PRDM11: variants seen among roughly 807,000 people sequenced by gnomAD.
PRDM11 encodes PR domain-containing protein 11.
In PRDM11, 20 loss-of-function variants were observed where a neutral mutation model predicts 97.8. That is an observed-to-expected ratio of 0.20 (90% CI 0.14 to 0.30). PRDM11 has a LOEUF of 0.30. Ranked by LOEUF, PRDM11 falls within the 10% of genes least tolerant of loss-of-function variation. The pLI is 1.00. For missense variants in PRDM11, 1,139 were observed against 1,555.2 expected (o/e 0.73, Z 4.50); for synonymous variants, 599 against 637.7 (o/e 0.94, Z 0.91).
intron 5 of PRDM11, among the ~76,000 whole-genome samples, chr11:45,212,200 C>A (rs1324666246): frequency 1.3e-5 from 2 of 152,190 alleles, no homozygotes; most frequent in Non-Finnish European, 2.9e-5. Flanking sequence ...CGGTGGGCCA[C>A]GGTCTCCAAG....
rs1388604630 is a variant in PRDM11, at chr11:45,227,303, G to A, written c.2678G>A (p.Arg893His). The A allele has an allele frequency of 1.2e-5, 18 of 1,533,848 alleles. No individual in the cohort carries two copies. Among genetic ancestry groups the A allele is most frequent in the African/African-American group, 2.7e-5 (2 of 72,958 alleles). The change falls in exon 8 of 8, where the codon CGT becomes CAT. Residue 893 changes from arginine to histidine, a missense_variant. By Grantham distance (29) the Arg-to-His change is conservative. This residue lies in a region of PRDM11 where 710 missense variants were observed against 1,044.9 expected (regional missense o/e 0.68). Transcript: ENST00000683152. This position sits in a 1 kb window ranked among gnomAD's most constrained non-coding sequence, Gnocchi z 8.0. Reference protein sequence around the residue: ...FLLDVIAVLSRLAYIFQGEYL... With the variant: ...FLLDVIAVLSHLAYIFQGEYL... ...CTGGACGTGATTGCTGTGCTCTCGC[G>A]TCTGGCCTACATCTTCCAGGGCGAG...
Position 45,219,845 on chromosome 11 carries a change from C to A in PRDM11, c.742+88C>A. ...TTGTTTTGGAGCTTCCTGAGAAATA[C>A]GGTTCCCAGCAATGGGAAGACCCAG... On this transcript the variant is annotated intron_variant, in intron 6 of 7. Transcript: ENST00000683152. The surrounding 1 kb of genome is among the most constrained non-coding windows in gnomAD (Gnocchi z 4.2). 1 of 1,404,286 alleles carries A rather than the reference C, an allele frequency of 7.1e-7. No individual in the cohort carries two copies. Among genetic ancestry groups the A allele is most frequent in the Non-Finnish European group, 9.5e-7 (1 of 1,049,138 alleles). 87.0% of individuals were successfully genotyped at this position (1,404,286 alleles called of 1,614,324 possible).
At chr11:45,140,779 C>A (rs375406610) in intron 1 of PRDM11, among the ~76,000 whole-genome samples, 149 of 151,300 alleles carry the variant, frequency 9.8e-4, no homozygotes, top group African/African-American at 3.3e-3. Context: ...AAAAAAAAAA[C>A]AACCTCTCTA....
At chr11:45,164,390 G>A (rs1847528991) in intron 1 of PRDM11, among the ~76,000 whole-genome samples, 1 of 152,226 alleles carries the variant, frequency 6.6e-6, no homozygotes, top group Non-Finnish European at 1.5e-5. Flanking sequence ...TCCCTCCTGG[G>A]GCTGTTGGCT....
intron 1 of PRDM11, among the ~76,000 whole-genome samples, chr11:45,121,015 T>C (rs1467985947): frequency 6.6e-6 from 1 of 151,696 alleles, no homozygotes; most frequent in Non-Finnish European, 1.5e-5. Flanking sequence ...TTAGATCCAC[T>C]GAAAGAAAAA....
In PRDM11 at chr11:45,228,234, A is replaced by T. The variant is rs1854324103; in HGVS notation, c.*75A>T. 2 of 355,968 alleles carry T rather than the reference A, an allele frequency of 5.6e-6. No individual in the cohort carries two copies. Among genetic ancestry groups the T allele is most frequent in the African/African-American group, 7.0e-5 (2 of 28,602 alleles). The allele number at this position is 355,968 out of a possible 1,614,324, so 22.1% of individuals were successfully genotyped here. A position where few individuals can be genotyped will look rare whatever the true frequency, so the allele number is the denominator to read the frequency against. On this transcript the variant is annotated 3_prime_UTR_variant, in exon 8 of 8. Transcript: ENST00000683152. ...ATACTCATAAGCTTTGATATATTAT[A>T]TAAATATATATTATATTATATTATA...
rs1418113047 is a variant in PRDM11 at position 45,231,729 on chromosome 11, A to T, written c.*3570A>T. ...ACAAAGAAAAAATCCACTGCCATCT[A>T]GTATCTGTGAAACATGAGGACAGCG... is the stretch of plus-strand genomic sequence containing the variant. On this transcript the variant is annotated 3_prime_UTR_variant, in exon 8 of 8. Transcript: ENST00000683152. The T allele has an allele frequency of 6.6e-6, 1 of 151,614 alleles. No individual in the cohort carries two copies. The highest frequency in any genetic ancestry group is 2.4e-5 in the African/African-American group (1 of 41,210). The allele number at this position is 151,614 out of a possible 1,614,324, so 9.4% of individuals were successfully genotyped here.
chr11:45,140,881 AG>A (rs2135666097), intron 1 of PRDM11, among the ~76,000 whole-genome samples: 1 of 152,304 alleles, frequency 6.6e-6, no homozygotes, highest in East Asian at 1.9e-4. Flanking sequence ...CAACATTCCC[AG>A]CCCTATTTAC....
chr11:45,182,371 G>T, intron 3 of PRDM11, 22 bp downstream of exon 3: 1 of 1,600,414 alleles, frequency 6.2e-7, no homozygotes. Flanking sequence ...TTGGGGCTCT[G>T]GGCTGCTCCT....
intron 1 of PRDM11, among the ~76,000 whole-genome samples, chr11:45,141,305 G>A (rs995964909): frequency 1.3e-5 from 2 of 152,168 alleles, no homozygotes; most frequent in South Asian, 2.1e-4. Flanking sequence ...CTGCACCCTC[G>A]TGTAGTCCTC....
intron 4 of PRDM11, among the ~76,000 whole-genome samples, chr11:45,189,647 A>G (rs1852837954): frequency 6.6e-6 from 1 of 152,230 alleles, no homozygotes; most frequent in Non-Finnish European, 1.5e-5. Flanking sequence ...AGCAGATATG[A>G]AATGGTGTTT....
At chr11:45,209,624 C>T (rs1035291189) in intron 5 of PRDM11, among the ~76,000 whole-genome samples, 6 of 152,128 alleles carry the variant, frequency 3.9e-5, no homozygotes, top group Non-Finnish European at 7.3e-5. Context: ...AAACTGGAAA[C>T]GAAGGGATGG....
At chr11:45,204,104 C>T (rs1164855602) in intron 4 of PRDM11, among the ~76,000 whole-genome samples, 2 of 152,204 alleles carry the variant, frequency 1.3e-5, no homozygotes, top group African/African-American at 4.8e-5. Flanking sequence ...GTCTTTTTAG[C>T]AGTCTTCAGA....
chr11:45,182,153 G>A (rs1852530106), intron 2 of PRDM11, 93 bp from the exon 3 acceptor site: 12 of 1,108,318 alleles, frequency 1.1e-5, no homozygotes, highest in Admixed American at 6.2e-5. Context: ...ACATCTTCTC[G>A]GTCTCCTGGC....
intron 1 of PRDM11, among the ~76,000 whole-genome samples, chr11:45,108,120 AC>A (rs1180051235): frequency 6.6e-6 from 1 of 151,944 alleles, no homozygotes; most frequent in Non-Finnish European, 1.5e-5. Flanking sequence ...GAGCCACTGC[AC>A]CCCGCCCTGG....
chr11:45,134,442 G>A (rs988530377), intron 1 of PRDM11, among the ~76,000 whole-genome samples: 1 of 152,164 alleles, frequency 6.6e-6, no homozygotes, highest in Admixed American at 6.5e-5. Flanking sequence ...GCACAAGCCT[G>A]TAATTCCAGC....
At position 45,205,618 on chromosome 11, in the gene PRDM11, G is replaced by A. The variant is rs370683893; in HGVS notation, c.554+840G>A. On this transcript the variant is annotated intron_variant, in intron 5 of 7. Coordinates refer to ENST00000683152, the MANE Select transcript of PRDM11 (RefSeq NM_001384648.1). ...CACCATGGGCCTGGGGCCCTCTGCC[G>A]GCATTTGCACAGTTTTCTGACCCAT... is the stretch of plus-strand genomic sequence containing the variant. Among the ~76,000 whole-genome samples the A allele has an allele frequency of 1.8e-3, 277 of 152,276 alleles. 1 individual carries two copies. Among genetic ancestry groups the A allele is most frequent in the African/African-American group, 5.7e-3 (235 of 41,546 alleles).
At chr11:45,146,436 T>C (rs1851510034), upstream of PRDM11, among the ~76,000 whole-genome samples, 1 of 152,154 alleles carries the variant, frequency 6.6e-6, no homozygotes, top group African/African-American at 2.4e-5. Flanking sequence ...TTTCTCGATT[T>C]CTCCACGGGC....
intron 1 of PRDM11, among the ~76,000 whole-genome samples, chr11:45,175,949 A>G (rs1402338567): frequency 2.0e-5 from 3 of 152,092 alleles, no homozygotes; most frequent in Non-Finnish European, 4.4e-5. Flanking sequence ...TTAGCCATCT[A>G]TTGGTCTTTG....
Sources: gnomAD v4.1 joint callset for allele counts (sites outside exome capture counted in the v4.1 genomes callset) on GRCh38, gnomAD v4.1.1 for gene constraint, gnomAD v4.1.1 regional missense constraint, Gnocchi (gnomAD v3.1) non-coding constraint, MANE v1.5 for transcripts, NCBI Gene and HGNC (gene_info 2026-07-23, HGNC 2026-07-21) for gene names.